The following ZFAND6 variants were observed in gnomAD, a reference collection of about 807,000 sequenced individuals.
The protein encoded by ZFAND6 is AN1-type zinc finger protein 6.
In ZFAND6, 12 loss-of-function variants were observed where a neutral mutation model predicts 24.5. The observed-to-expected ratio is 0.49, with a 90% CI of 0.31 to 0.79. The LOEUF is 0.79. ZFAND6 is among the 30% of genes least tolerant of loss of function. ZFAND6 has a pLI of 0.04. For synonymous variants in ZFAND6, 92 were observed against 81.5 expected (o/e 1.13, Z -0.69); for missense variants, 207 against 245.9 (o/e 0.84, Z 1.06).
chr15:80,134,553 C>G (rs1172116440), intron 6 of ZFAND6, among the ~76,000 whole-genome samples: 2 of 152,208 alleles, frequency 1.3e-5, no homozygotes, highest in African/African-American at 4.8e-5. Flanking sequence ...TGTGAAAGCT[C>G]TCAAGCCTGA....
intron 1 of ZFAND6, among the ~76,000 whole-genome samples, chr15:80,077,818 G>C (rs937435608): frequency 6.7e-6 from 1 of 148,612 alleles, no homozygotes; most frequent in Non-Finnish European, 1.5e-5. Flanking sequence ...TCCTGTCTCA[G>C]CCTCCCAAGG....
chr15:80,129,049 A>G (rs2142043365), intron 5 of ZFAND6, among the ~76,000 whole-genome samples: 1 of 152,312 alleles, frequency 6.6e-6, no homozygotes, highest in Non-Finnish European at 1.5e-5. Context: ...TTCAAAACCA[A>G]TAAATACTGT....
At position 80,070,114 on chromosome 15, in the gene ZFAND6, T is replaced by C. The variant is rs74025980; in HGVS notation, c.-181+10305T>C. On this transcript the variant is annotated intron_variant, in intron 1 of 6. Transcript: ENST00000261749. ...GGAATCCTTCAAAATTCTAAGAAAGTGTTTGCCCTGTTCTGTATATATTCT... is the reference window on the plus strand; with the variant it reads ...GGAATCCTTCAAAATTCTAAGAAAGCGTTTGCCCTGTTCTGTATATATTCT... Among the ~76,000 whole-genome samples the C allele has an allele frequency of 4.2e-3, 640 of 152,312 alleles. 4 individuals carry two copies. Among genetic ancestry groups the C allele is most frequent in the African/African-American group, 0.014 (589 of 41,570 alleles).
intron 2 of ZFAND6, among the ~76,000 whole-genome samples, chr15:80,105,342 C>G (rs1596273874): frequency 6.6e-6 from 1 of 152,254 alleles, no homozygotes; most frequent in Middle Eastern, 3.4e-3. Flanking sequence ...GATCTCCTAA[C>G]AGGTGATTAC....
intron 1 of ZFAND6, among the ~76,000 whole-genome samples, chr15:80,078,149 C>A (rs1276498467): frequency 6.6e-6 from 1 of 152,132 alleles, no homozygotes; most frequent in African/African-American, 2.4e-5. Flanking sequence ...TACAAACAAT[C>A]CCGTCACTCA....
chr15:80,060,524 G>T (rs1046859043), intron 1 of ZFAND6: 2 of 152,136 alleles, frequency 1.3e-5, no homozygotes, highest in African/African-American at 4.8e-5. Context: ...CAGTTGGGAC[G>T]CTATGATTTA....
chr15:80,121,248 A>G lies in ZFAND6; in HGVS notation c.155-464A>G, dbSNP rs79254777. ...TCAAGCCAAAACCTACAACCATTTAACCAAAACTCCAAATTTGCTTAAGGC... is the reference window on the plus strand; with the variant it reads ...TCAAGCCAAAACCTACAACCATTTAGCCAAAACTCCAAATTTGCTTAAGGC... On this transcript the variant is annotated intron_variant, in intron 3 of 6. Coordinates refer to ENST00000261749, the MANE Select transcript of ZFAND6 (RefSeq NM_019006.4). Among the ~76,000 whole-genome samples the G allele has an allele frequency of 8.1e-3, 1,233 of 152,306 alleles. 17 individuals are homozygous for G. The highest frequency in any genetic ancestry group is 0.028 in the African/African-American group (1,147 of 41,564).
intron 1 of ZFAND6, among the ~76,000 whole-genome samples, chr15:80,063,166 C>A (rs1210263938): frequency 6.6e-5 from 10 of 152,078 alleles, no homozygotes; most frequent in Non-Finnish European, 4.4e-5. Flanking sequence ...CAACGTTAGT[C>A]ACAAATGGGA....
chr15:80,112,956 T>A lies in ZFAND6; in HGVS notation c.-17-7372T>A, dbSNP rs149640624. 8 of 434,266 alleles carry A rather than the reference T, an allele frequency of 1.8e-5. No homozygotes were observed. The Admixed American group carries it at 2.0e-4, about 11-fold the overall frequency. The allele number at this position is 434,266 out of a possible 1,614,324, so 26.9% of individuals were successfully genotyped here. A position where few individuals can be genotyped will look rare whatever the true frequency, so the allele number is the denominator to read the frequency against. On this transcript the variant is annotated intron_variant, in intron 2 of 6. Transcript: ENST00000261749. ...CATTTGATACAATTGCAAAGAGAAT[T>A]CACCCATTCTGAGCAGTTAGTTTTC...
chr15:80,080,391 A>AC (rs1168029370), intron 1 of ZFAND6, among the ~76,000 whole-genome samples: 1 of 152,242 alleles, frequency 6.6e-6, no homozygotes, highest in African/African-American at 2.4e-5. Context: ...TTGAAGACCC[A>AC]CTGTGGATAG....
At chr15:80,112,836 A>C (rs1233317207) in intron 2 of ZFAND6, 1 of 456,118 alleles carries the variant, frequency 2.2e-6, no homozygotes, top group Non-Finnish European at 4.4e-6. Context: ...ACTAATCTCA[A>C]GCACCTATGC....
chr15:80,091,003 C>CT (rs2038326090), intron 1 of ZFAND6, among the ~76,000 whole-genome samples: 1 of 152,172 alleles, frequency 6.6e-6, no homozygotes, highest in South Asian at 2.1e-4. Flanking sequence ...CTGAAATATT[C>CT]TATCTTGTTG....
intron 5 of ZFAND6, chr15:80,130,162 A>T (rs2040534957): frequency 6.6e-6 from 1 of 152,148 alleles, no homozygotes; most frequent in Non-Finnish European, 1.5e-5. Flanking sequence ...TGTAGAGGGA[A>T]CTCATGAGGT....
chr15:80,096,916 T>A (rs1468312060), intron 1 of ZFAND6, among the ~76,000 whole-genome samples: 1 of 152,178 alleles, frequency 6.6e-6, no homozygotes, highest in African/African-American at 2.4e-5. Context: ...GGAAATGCAT[T>A]GAAACATCAA....
At chr15:80,090,788 G>A (rs2038310622) in intron 1 of ZFAND6, among the ~76,000 whole-genome samples, 1 of 152,162 alleles carries the variant, frequency 6.6e-6, no homozygotes, top group African/African-American at 2.4e-5. Context: ...AGCAGGTGAT[G>A]GGATTTTGAG....
intron 1 of ZFAND6, among the ~76,000 whole-genome samples, chr15:80,070,344 C>T (rs957776376): frequency 3.3e-5 from 5 of 152,170 alleles, no homozygotes; most frequent in Non-Finnish European, 5.9e-5. Flanking sequence ...AGTGTTGTTA[C>T]TGCATGCAAT....
chr15:80,092,865 A>G (rs566782435), intron 1 of ZFAND6, among the ~76,000 whole-genome samples: 45 of 152,268 alleles, frequency 3.0e-4, no homozygotes, highest in Admixed American at 2.4e-3. Flanking sequence ...ATACTTTTAT[A>G]TTTAGCTCTC....
At chr15:80,116,285 G>A (rs961893168) in intron 2 of ZFAND6, among the ~76,000 whole-genome samples, 1 of 152,116 alleles carries the variant, frequency 6.6e-6, no homozygotes, top group South Asian at 2.1e-4. Flanking sequence ...GAGAGTGCAC[G>A]TTTTATAAGC....
intron 2 of ZFAND6, among the ~76,000 whole-genome samples, chr15:80,117,440 C>G (rs1278900076): frequency 6.6e-6 from 1 of 152,012 alleles, no homozygotes; most frequent in Admixed American, 6.6e-5. Flanking sequence ...GCCAGGATGG[C>G]CTCTATCTCC....
Sources: gnomAD v4.1 joint callset for allele counts (sites outside exome capture counted in the v4.1 genomes callset) on GRCh38, gnomAD v4.1.1 for gene constraint, MANE v1.5 for transcripts, NCBI Gene and HGNC (gene_info 2026-07-23, HGNC 2026-07-21) for gene names.